Variants in LRMDA observed in about 807,000 individuals in gnomAD.
LRMDA encodes the protein leucine-rich melanocyte differentiation-associated protein.
In LRMDA, 18 loss-of-function variants were observed where a neutral mutation model predicts 29.8. The observed-to-expected ratio is 0.60, with a 90% CI of 0.42 to 0.90. The LOEUF (loss-of-function observed/expected upper bound fraction) is 0.90. Ranked by LOEUF, LRMDA falls within the 40% of genes least tolerant of loss-of-function variation. LRMDA has a pLI of 0.00. For synonymous variants in LRMDA, 125 were observed against 109.4 expected, an observed-to-expected ratio of 1.14 and a Z score of -0.89; for missense variants, 273 against 273.9, an observed-to-expected ratio of 1.00 and a Z score of 0.02.
intron 5 of LRMDA, among the ~76,000 whole-genome samples, chr10:76,225,651 C>T (rs1851939434): frequency 6.6e-6 from 1 of 151,490 alleles, no homozygotes; most frequent in Admixed American, 6.6e-5. Flanking sequence ...TGTATTAGTC[C>T]ATGTTCACAC....
At chr10:75,541,639 C>T (rs1840018669) in intron 2 of LRMDA, among the ~76,000 whole-genome samples, 1 of 152,056 alleles carries the variant, frequency 6.6e-6, no homozygotes, top group Non-Finnish European at 1.5e-5. Flanking sequence ...AATGTAATGG[C>T]AGGGTGAAAA....
intron 2 of LRMDA, among the ~76,000 whole-genome samples, chr10:75,440,703 T>TG (rs1844316423): frequency 6.6e-6 from 1 of 152,170 alleles, no homozygotes; most frequent in African/African-American, 2.4e-5. Context: ...AATCAACATC[T>TG]AAGATGTTTT....
chr10:75,860,589 C>G (rs181373187), intron 2 of LRMDA, among the ~76,000 whole-genome samples: 1 of 151,960 alleles, frequency 6.6e-6, no homozygotes, highest in East Asian at 1.9e-4. Flanking sequence ...CCCAAAGTGC[C>G]GGGGTTACAA....
intron 5 of LRMDA, among the ~76,000 whole-genome samples, chr10:76,062,970 A>G (rs1192654075): frequency 6.6e-6 from 1 of 152,206 alleles, no homozygotes; most frequent in East Asian, 1.9e-4. Flanking sequence ...AGCCCTGCAC[A>G]GCAGAGAGAC....
chr10:76,458,716 C>T (rs1842482447), intron 6 of LRMDA, among the ~76,000 whole-genome samples: 1 of 152,146 alleles, frequency 6.6e-6, no homozygotes, highest in African/African-American at 2.4e-5. Context: ...GTGGGAAGCC[C>T]AGCTTCACAG....
chr10:76,337,003 T>C (rs1840977608), intron 6 of LRMDA, among the ~76,000 whole-genome samples: 1 of 152,140 alleles, frequency 6.6e-6, no homozygotes. Flanking sequence ...TCATATAATG[T>C]TCAAATCAGA....
At chr10:76,064,553 T>C (rs191597231) in intron 5 of LRMDA, among the ~76,000 whole-genome samples, 2 of 152,360 alleles carry the variant, frequency 1.3e-5, no homozygotes, top group Non-Finnish European at 1.5e-5. Context: ...CTACACTTAA[T>C]TGTTTTTTAT....
chr10:76,124,743 C>T (rs997829622), intron 5 of LRMDA, among the ~76,000 whole-genome samples: 1 of 152,192 alleles, frequency 6.6e-6, no homozygotes, highest in Non-Finnish European at 1.5e-5. Context: ...ATTGACTGCT[C>T]CCCACGTCTC....
chr10:75,860,789 T>G (rs1467419959), intron 2 of LRMDA, among the ~76,000 whole-genome samples: 1 of 152,184 alleles, frequency 6.6e-6, no homozygotes, highest in African/African-American at 2.4e-5. Context: ...AATTCTGCCC[T>G]AAGTTCTGTG....
intron 2 of LRMDA, among the ~76,000 whole-genome samples, chr10:75,976,472 T>C (rs1474941601): frequency 6.6e-6 from 1 of 152,240 alleles, no homozygotes; most frequent in Non-Finnish European, 1.5e-5. Flanking sequence ...TTCATTTGCC[T>C]AAATGTGTAT....
chr10:76,037,304 A>G (rs1399202157), intron 3 of LRMDA, among the ~76,000 whole-genome samples: 3 of 152,250 alleles, frequency 2.0e-5, no homozygotes, highest in Non-Finnish European at 2.9e-5. Context: ...GACCTGGAGT[A>G]GTTAAACCAC....
At chr10:75,898,936 G>C (rs1004047385) in intron 2 of LRMDA, among the ~76,000 whole-genome samples, 4 of 152,130 alleles carry the variant, frequency 2.6e-5, no homozygotes, top group Non-Finnish European at 5.9e-5. Flanking sequence ...AAATACCCTT[G>C]AAAATGACGA....
chr10:76,047,530 A>T lies in LRMDA; in HGVS notation c.398+227A>T, dbSNP rs570051940. Among the ~76,000 whole-genome samples the T allele has an allele frequency of 3.3e-4, 51 of 152,252 alleles. No individual in the cohort carries two copies. The South Asian group carries it at 0.01, about 30-fold the overall frequency. ...TATTGCCTTTTCTACTTTTTTTGTG[A>T]AGTGCCAGATATTAAGTATTTTAGG... On this transcript the variant is annotated intron_variant, in intron 4 of 6. Transcript: ENST00000611255.
intron 2 of LRMDA, among the ~76,000 whole-genome samples, chr10:75,892,748 A>G (rs1271587870): frequency 6.6e-6 from 1 of 152,082 alleles, no homozygotes; most frequent in Non-Finnish European, 1.5e-5. Flanking sequence ...CCATGTCCCT[A>G]CTCACTGGTC....
At chr10:76,255,816 GC>G in intron 5 of LRMDA, among the ~76,000 whole-genome samples, 1 of 152,190 alleles carries the variant, frequency 6.6e-6, no homozygotes, top group Admixed American at 6.5e-5. Context: ...ATAAAATGTA[GC>G]AGAAAGGCAC....
chr10:75,976,801 G>A (rs1564621228), intron 2 of LRMDA, among the ~76,000 whole-genome samples: 1 of 152,160 alleles, frequency 6.6e-6, no homozygotes, highest in Non-Finnish European at 1.5e-5. Context: ...CTAGTAAGTG[G>A]CAGAGTCTGG....
rs532378305 is a variant in LRMDA, at chr10:75,702,632, T to C, written c.131+264138T>C. Among the ~76,000 whole-genome samples the C allele has an allele frequency of 2.0e-5, 3 of 152,322 alleles. No homozygotes were observed. The East Asian group carries it at 5.8e-4, about 29-fold the overall frequency. On this transcript the variant is annotated intron_variant, in intron 2 of 6. Coordinates refer to ENST00000611255, the MANE Select transcript of LRMDA (RefSeq NM_001305581.2). ...GAAAGGGAAAAAAACCCCACAAATA[T>C]TCAGATTCATTGATGACATATTTCT...
rs1038047720 is a variant in LRMDA at position 75,667,227 on chromosome 10, C to A, written c.131+228733C>A. Among the ~76,000 whole-genome samples, 9 of 152,144 alleles carry A rather than the reference C, an allele frequency of 5.9e-5. 1 individual carries two copies. The highest frequency in any genetic ancestry group is 4.6e-4 in the Admixed American group (7 of 15,292). ...TTTTCTAATGATTTTATAACCCCCC[C>A]CCCCAAGTAAGAATAAAATTTTATG... On this transcript the variant is annotated intron_variant, in intron 2 of 6. Transcript: ENST00000611255.
chr10:75,826,194 C>T (rs1244232748), intron 2 of LRMDA, among the ~76,000 whole-genome samples: 1 of 152,130 alleles, frequency 6.6e-6, no homozygotes, highest in Non-Finnish European at 1.5e-5. Flanking sequence ...CAAAAGGAAT[C>T]GTAGGAGACG....
Sources: allele counts gnomAD v4.1 joint callset (sites outside exome capture counted in the v4.1 genomes callset), GRCh38; gene constraint gnomAD v4.1.1; transcripts MANE v1.5; gene names NCBI Gene and HGNC (gene_info 2026-07-23, HGNC 2026-07-21).